TXNDC11: variants seen among roughly 807,000 people sequenced by gnomAD.
TXNDC11 encodes thioredoxin domain containing 11, also known as thioredoxin domain-containing protein 11.
In TXNDC11, 68 loss-of-function variants were observed where a neutral mutation model predicts 78.0. The observed-to-expected ratio is 0.87, with a 90% CI of 0.72 to 1.07. TXNDC11 has a LOEUF of 1.07. Among genes scored for constraint, TXNDC11 ranks in the 50% least tolerant of loss-of-function variants. TXNDC11 has a pLI of 0.00. For synonymous variants in TXNDC11, 571 were observed against 495.2 expected (o/e 1.15, Z -2.03); for missense variants, 1,389 against 1,221.8 (o/e 1.14, Z -2.04).
intron 5 of TXNDC11, chr16:11,721,315 T>G: frequency 4.3e-6 from 1 of 231,594 alleles, no homozygotes; most frequent in Non-Finnish European, 8.7e-6. Context: ...GGCAGGCACC[T>G]ATGTAACTCC....
intron 7 of TXNDC11, among the ~76,000 whole-genome samples, chr16:11,694,082 C>A (rs1300654985): frequency 7.7e-6 from 1 of 129,434 alleles, no homozygotes; most frequent in Non-Finnish European, 1.6e-5. Flanking sequence ...AGAAAGTATT[C>A]TGTCTACAGC....
intron 5 of TXNDC11, among the ~76,000 whole-genome samples, chr16:11,718,646 A>T (rs2051615277): frequency 6.6e-6 from 1 of 152,198 alleles, no homozygotes; most frequent in African/African-American, 2.4e-5. Flanking sequence ...CATAGTGCAC[A>T]TATTACAGAA....
intron 5 of TXNDC11, among the ~76,000 whole-genome samples, chr16:11,719,183 C>G (rs988713779): frequency 2.0e-5 from 3 of 152,194 alleles, no homozygotes; most frequent in Non-Finnish European, 4.4e-5. Context: ...CTTCAGCTCA[C>G]AAACTTGAAT....
intron 4 of TXNDC11, among the ~76,000 whole-genome samples, chr16:11,724,461 C>T (rs1249765157): frequency 6.6e-6 from 1 of 151,996 alleles, no homozygotes; most frequent in East Asian, 1.9e-4. Flanking sequence ...ACTTAATGTC[C>T]ACTGAAATAA....
At chr16:11,687,556 G>C (rs2050598505) in intron 10 of TXNDC11, among the ~76,000 whole-genome samples, 1 of 152,280 alleles carries the variant, frequency 6.6e-6, no homozygotes, top group African/African-American at 2.4e-5. Flanking sequence ...CTGTCCCATG[G>C]TATTCCACGG....
intron 5 of TXNDC11, among the ~76,000 whole-genome samples, chr16:11,712,489 G>A (rs2051391559): frequency 6.6e-6 from 1 of 152,080 alleles, no homozygotes; most frequent in African/African-American, 2.4e-5. Context: ...CACACTGGCT[G>A]GTGGCTCCTG....
chr16:11,738,153 C>T (rs563820420), intron 1 of TXNDC11, among the ~76,000 whole-genome samples: 1 of 152,284 alleles, frequency 6.6e-6, no homozygotes, highest in African/African-American at 2.4e-5. Flanking sequence ...TTGGATGAGT[C>T]TCAAAATGAT....
At chr16:11,711,018 C>T (rs968430079) in intron 5 of TXNDC11, among the ~76,000 whole-genome samples, 1 of 151,870 alleles carries the variant, frequency 6.6e-6, no homozygotes, top group Non-Finnish European at 1.5e-5. Context: ...AATCACAGGA[C>T]GTCCAGTGTG....
chr16:11,680,302 C>G (rs2050390215), intron 11 of TXNDC11, among the ~76,000 whole-genome samples: 1 of 152,244 alleles, frequency 6.6e-6, no homozygotes, highest in Non-Finnish European at 1.5e-5. Flanking sequence ...GATACCCAGT[C>G]TGTTTCTTCA....
At chr16:11,703,624 C>A in intron 5 of TXNDC11, 1 of 698,508 alleles carries the variant, frequency 1.4e-6, no homozygotes, top group Non-Finnish European at 2.6e-6. Context: ...GTTCTATCTA[C>A]TGAGAAGACC....
intron 8 of TXNDC11, 96 bp downstream of exon 8, chr16:11,691,194 C>A: frequency 9.4e-7 from 1 of 1,063,828 alleles, no homozygotes; most frequent in African/African-American, 1.6e-5. Context: ...GTGACATCAC[C>A]CCACAACTAA....
chr16:11,725,265 G>C (rs1238397846), intron 4 of TXNDC11, among the ~76,000 whole-genome samples: 1 of 151,682 alleles, frequency 6.6e-6, no homozygotes, highest in African/African-American at 2.4e-5. Context: ...AAATGTGAAT[G>C]ACCCAATTAA....
chr16:11,694,958 T>C (rs2050820412), intron 7 of TXNDC11, among the ~76,000 whole-genome samples: 1 of 152,262 alleles, frequency 6.6e-6, no homozygotes, highest in Non-Finnish European at 1.5e-5. Context: ...TTCTATTTTC[T>C]TTAATCAGGG....
chr16:11,723,785 C>T (rs183687329), intron 4 of TXNDC11, among the ~76,000 whole-genome samples: 1 of 152,110 alleles, frequency 6.6e-6, no homozygotes, highest in Non-Finnish European at 1.5e-5. Context: ...AAAAGATTCC[C>T]GAGCCTTTCC....
At chr16:11,721,765 T>G (rs2051714860) in intron 4 of TXNDC11, 95 bp from the exon 5 acceptor site, 3 of 653,832 alleles carry the variant, frequency 4.6e-6, no homozygotes, top group Non-Finnish European at 8.0e-6. Flanking sequence ...AATTTGACAA[T>G]TAATGCATCT....
chr16:11,725,359 A>G (rs900691386), intron 4 of TXNDC11, among the ~76,000 whole-genome samples: 3 of 41,604 alleles, frequency 7.2e-5, no homozygotes, highest in South Asian at 5.5e-4. Context: ...ATTCATTTAG[A>G]AAAAAAAAAA....
chr16:11,736,276 C>T, intron 1 of TXNDC11, 43 bp from the exon 2 acceptor site: 4 of 1,454,334 alleles, frequency 2.8e-6, no homozygotes, highest in African/African-American at 1.4e-5. Flanking sequence ...AGTTTATCTT[C>T]TTCTAAAAAT....
At chr16:11,700,587 AT>A in intron 5 of TXNDC11, 23 bp from the exon 6 acceptor site, 1 of 1,331,244 alleles carries the variant, frequency 7.5e-7, no homozygotes, top group Non-Finnish European at 1.1e-6. Flanking sequence ...ATTTTCCTTT[AT>A]TAAAGAAAAG....
rs1267457395 is a variant in TXNDC11 at position 11,688,334 on chromosome 16, T to C, written c.2012A>G (p.Asp671Gly). The stretch of plus-strand genomic sequence containing the variant: ...TTGAAGGACTACTTCCCAAAAGGTA[T>C]CAGTTGTCACTTCAGTGATTAAATG... ...SQHLITEVTT[D>G]TFWEVVLQKQ... Residue 671 changes from aspartate (D) to glycine (G), a missense_variant, in exon 9 of 12, where the codon GAT becomes GGT. Coordinates refer to ENST00000283033, the MANE Select transcript of TXNDC11 (RefSeq NM_015914.7). 1.2e-6 allele frequency: 2 copies of C among 1,614,122 alleles called. No individual in the cohort carries two copies. The highest frequency in any genetic ancestry group is 4.5e-5 in the East Asian group (2 of 44,882).
Sources: allele counts gnomAD v4.1 joint callset (sites outside exome capture counted in the v4.1 genomes callset), GRCh38; gene constraint gnomAD v4.1.1; transcripts MANE v1.5; gene names NCBI Gene and HGNC (gene_info 2026-07-23, HGNC 2026-07-21).